The following ADGRL3 variants were observed in gnomAD, a reference collection of about 807,000 sequenced individuals.
ADGRL3 encodes the protein adhesion G protein-coupled receptor L3.
ADGRL3 carries 62 observed loss-of-function variants against 153.5 expected under a neutral mutation model. That is an observed-to-expected ratio of 0.40 (90% CI 0.33 to 0.50). The LOEUF (loss-of-function observed/expected upper bound fraction) is 0.50. Ranked by LOEUF, ADGRL3 falls within the 20% of genes least tolerant of loss-of-function variation. ADGRL3 has a pLI of 0.47. For missense variants in ADGRL3, 1,641 were observed against 1,859.4 expected, an observed-to-expected ratio of 0.88 and a Z score of 2.16; for synonymous variants, 710 against 672.5, an observed-to-expected ratio of 1.06 and a Z score of -0.86.
Position 61,517,393 on chromosome 4 carries a change from C to T in ADGRL3, c.134C>T (p.Pro45Leu). ...GAGCGCAGCCCAGGAGGCGCTCTTC[C>T]ACCCAGACATCTGCTTCAGCAGCCA... ...HAERSPGGALPPRHLLQQPAA... is the reference protein window; with the variant it reads ...HAERSPGGALLPRHLLQQPAA... The change falls in exon 4 of 27, where the codon CCA (proline) becomes CTA (leucine). Residue 45 changes from proline to leucine, a missense_variant. This residue lies in a region of ADGRL3 where 145 missense variants were observed against 79.1 expected (regional missense o/e 1.83). Transcript: ENST00000683033. 1.4e-6 allele frequency: 1 copy of T among 724,166 alleles called. No individual in the cohort carries two copies. The highest frequency in any genetic ancestry group is 2.7e-5 in the East Asian group (1 of 37,354). 44.9% of individuals were successfully genotyped at this position (724,166 alleles called of 1,614,324 possible). A position where few individuals can be genotyped will look rare whatever the true frequency, so the allele number is the denominator to read the frequency against.
intron 2 of ADGRL3, among the ~76,000 whole-genome samples, chr4:61,440,159 C>T (rs1047217381): frequency 1.3e-5 from 2 of 152,058 alleles, no homozygotes; most frequent in African/African-American, 4.8e-5. Flanking sequence ...AGCGATTCTC[C>T]CATCTCAGCC....
At chr4:61,701,486 G>A (rs557804503) in intron 6 of ADGRL3, among the ~76,000 whole-genome samples, 57 of 142,608 alleles carry the variant, frequency 4.0e-4, no homozygotes, top group African/African-American at 1.4e-3. Context: ...CCAGGCTGGA[G>A]TGCAATGATG....
chr4:61,881,417 C>T (rs909695456), intron 9 of ADGRL3, among the ~76,000 whole-genome samples: 2 of 152,136 alleles, frequency 1.3e-5, no homozygotes, highest in African/African-American at 4.8e-5. Context: ...CTGGCTCTGT[C>T]GCCCAGGCTG....
At chr4:61,857,006 T>TTCTTTCTTTCTCTCTC (rs796589157) in intron 9 of ADGRL3, among the ~76,000 whole-genome samples, 38 of 112,628 alleles carry the variant, frequency 3.4e-4, no homozygotes, top group Middle Eastern at 4.9e-3. Context: ...CTTTCTTTCT[T>TTCTTTCTTTCTCTCTC]TCTTTCTTTC....
chr4:61,375,582 G>A (rs964647936), intron 1 of ADGRL3, among the ~76,000 whole-genome samples: 15 of 152,202 alleles, frequency 9.9e-5, no homozygotes, highest in African/African-American at 3.6e-4. Context: ...AAAGGAGATG[G>A]AGCAATGGTA....
intron 1 of ADGRL3, among the ~76,000 whole-genome samples, chr4:61,336,757 T>G (rs2095684960): frequency 6.6e-6 from 1 of 152,052 alleles, no homozygotes; most frequent in African/African-American, 2.4e-5. Flanking sequence ...TGGCACTCCA[T>G]TACGACTGGG....
intron 8 of ADGRL3, among the ~76,000 whole-genome samples, chr4:61,744,461 C>A (rs1580570246): frequency 1.3e-5 from 2 of 151,928 alleles, no homozygotes; most frequent in East Asian, 3.9e-4. Flanking sequence ...TGGGAGGCAC[C>A]CCCCAGTAGG....
intron 6 of ADGRL3, among the ~76,000 whole-genome samples, chr4:61,714,296 ATAT>A (rs1284015500): frequency 1.3e-5 from 2 of 151,632 alleles, no homozygotes; most frequent in African/African-American, 4.8e-5. Context: ...ATAAAACTTG[ATAT>A]TATGAGAAAG....
At chr4:61,263,224 G>A (rs1017374717) in intron 1 of ADGRL3, among the ~76,000 whole-genome samples, 1 of 151,586 alleles carries the variant, frequency 6.6e-6, no homozygotes, top group African/African-American at 2.4e-5. Flanking sequence ...ACATTATCAA[G>A]TGCAAATAAT....
intron 2 of ADGRL3, among the ~76,000 whole-genome samples, chr4:61,390,863 T>C (rs12640613): frequency 0.83 from 125,891 of 152,156 alleles, 55,219 homozygotes; most frequent in Non-Finnish European, 0.98. Context: ...CAGCCACTGG[T>C]CTGTTCTCCA....
At chr4:61,313,081 G>A (rs1328542227) in intron 1 of ADGRL3, among the ~76,000 whole-genome samples, 1 of 152,100 alleles carries the variant, frequency 6.6e-6, no homozygotes, top group Non-Finnish European at 1.5e-5. Flanking sequence ...AAAGACATGG[G>A]GACATCCTAA....
intron 6 of ADGRL3, among the ~76,000 whole-genome samples, chr4:61,698,355 G>A (rs1283537997): frequency 6.6e-6 from 1 of 152,070 alleles, no homozygotes; most frequent in Non-Finnish European, 1.5e-5. Context: ...GGGAGGCTGA[G>A]GCAGGAGAAT....
chr4:61,964,013 T>C (rs1212847970), intron 17 of ADGRL3, among the ~76,000 whole-genome samples: 2 of 152,184 alleles, frequency 1.3e-5, no homozygotes, highest in Non-Finnish European at 2.9e-5. Context: ...ACATAGATTA[T>C]CTCATTTAAT....
intron 5 of ADGRL3, among the ~76,000 whole-genome samples, chr4:61,596,464 TAAGTTTATTATTGTGTA>T (rs974381194): frequency 5.3e-5 from 8 of 152,348 alleles, no homozygotes; most frequent in African/African-American, 1.9e-4. Flanking sequence ...ATTATATACT[TAAGTTTATTATTGTGTA>T]GCATTCTGAT....
intron 9 of ADGRL3, among the ~76,000 whole-genome samples, chr4:61,860,855 C>G (rs1373973063): frequency 2.6e-5 from 4 of 152,018 alleles, no homozygotes; most frequent in African/African-American, 9.7e-5. Context: ...AAAACTGAGC[C>G]TTAGCAAGTG....
intron 8 of ADGRL3, 54 bp from the exon 9 acceptor site, chr4:61,813,755 A>C: frequency 6.3e-7 from 1 of 1,597,148 alleles, no homozygotes. Context: ...ACAATTTAAA[A>C]AGGGAAAAGA....
intron 5 of ADGRL3, among the ~76,000 whole-genome samples, chr4:61,650,393 A>G (rs1304145795): frequency 6.6e-6 from 1 of 152,180 alleles, no homozygotes; most frequent in Non-Finnish European, 1.5e-5. Flanking sequence ...GCATGTTACA[A>G]TGCTCCCAAA....
intron 6 of ADGRL3, among the ~76,000 whole-genome samples, chr4:61,717,457 T>G (rs982197083): frequency 1.2e-4 from 18 of 152,188 alleles, no homozygotes; most frequent in Admixed American, 1.2e-3. Context: ...GATTGTCTTA[T>G]AAATTCCTAG....
chr4:61,681,953 A>G (rs569582171), intron 6 of ADGRL3, among the ~76,000 whole-genome samples: 2 of 152,164 alleles, frequency 1.3e-5, no homozygotes, highest in East Asian at 3.9e-4. Flanking sequence ...GACATTCAAT[A>G]AATATGTATT....
Sources: allele counts gnomAD v4.1 joint callset (sites outside exome capture counted in the v4.1 genomes callset), GRCh38; gene constraint gnomAD v4.1.1; regional missense constraint gnomAD v4.1.1; transcripts MANE v1.5; gene names NCBI Gene and HGNC (gene_info 2026-07-23, HGNC 2026-07-21).